The following PTK2 variants were observed in gnomAD, a reference collection of about 807,000 sequenced individuals.
PTK2 encodes protein tyrosine kinase 2, also known as focal adhesion kinase 1.
A neutral mutation model predicts 150.1 loss-of-function variants in PTK2; 45 were observed. That is an observed-to-expected ratio of 0.30 (90% CI 0.24 to 0.38). The LOEUF is 0.38. Ranked by LOEUF, PTK2 falls within the 10% of genes least tolerant of loss-of-function variation. The pLI is 1.00. For missense variants in PTK2, 919 were observed against 1,307.3 expected (o/e 0.70, Z 4.58); for synonymous variants, 432 against 449.2 (o/e 0.96, Z 0.48).
intron 17 of PTK2, among the ~76,000 whole-genome samples, chr8:140,748,501 A>ATC: frequency 1.4e-5 from 2 of 147,682 alleles, no homozygotes; most frequent in Non-Finnish European, 3.0e-5. Flanking sequence ...TGTCTCAAAA[A>ATC]AAAAAAAAAA....
intron 15 of PTK2, among the ~76,000 whole-genome samples, chr8:140,763,924 C>T (rs1367366528): frequency 6.6e-6 from 1 of 151,698 alleles, no homozygotes. Context: ...TATACTTAAC[C>T]AATAATACTA....
intron 17 of PTK2, 35 bp downstream of exon 20, chr8:140,752,197 C>T: frequency 6.5e-7 from 1 of 1,533,910 alleles, no homozygotes; most frequent in Non-Finnish European, 9.0e-7. Context: ...GATAGAAAGT[C>T]AAATGGAGTT....
chr8:140,846,817 T>TA (rs2100125809), intron 5 of PTK2, 139 bp from the exon 6 acceptor site: 8 of 601,596 alleles, frequency 1.3e-5, no homozygotes, highest in Non-Finnish European at 2.3e-5. Flanking sequence ...AAGATATAAA[T>TA]AAATGTTTCC....
At chr8:140,907,554 T>C (rs2100161457) in intron 2 of PTK2, among the ~76,000 whole-genome samples, 1 of 152,232 alleles carries the variant, frequency 6.6e-6, no homozygotes, top group East Asian at 1.9e-4. Context: ...CTGCCTTTTT[T>C]TTAAAACAAA....
Position 140,853,756 on chromosome 8 carries a change from C to A in PTK2, c.451-7078G>T, listed in dbSNP as rs1221095208. The stretch of plus-strand genomic sequence containing the variant: ...GGAGAAGAAATGTACACAATTAAAT[C>A]TTCAAACCACAGAAAATAAACCTTC... On this transcript the variant is annotated intron_variant, in intron 5 of 31. Coordinates refer to ENST00000522684, the Ensembl canonical transcript of PTK2. Among the ~76,000 whole-genome samples, 3 of 152,136 alleles carry A rather than the reference C, an allele frequency of 2.0e-5. No individual in the cohort carries two copies. The East Asian group carries it at 5.8e-4, about 29-fold the overall frequency.
intron 3 of PTK2, among the ~76,000 whole-genome samples, chr8:140,888,908 A>C (rs1054908363): frequency 6.6e-6 from 1 of 152,242 alleles, no homozygotes; most frequent in African/African-American, 2.4e-5. Flanking sequence ...CAAAGACTAG[A>C]ACATACACTA....
At chr8:140,810,322 T>C (rs2100100689) in intron 10 of PTK2, among the ~76,000 whole-genome samples, 2 of 152,192 alleles carry the variant, frequency 1.3e-5, no homozygotes, top group Non-Finnish European at 2.9e-5. Context: ...ACTTTAGCCC[T>C]AGGGGAACTG....
intron 8 of PTK2, among the ~76,000 whole-genome samples, chr8:140,830,130 C>T (rs922990797): frequency 1.3e-5 from 2 of 152,010 alleles, no homozygotes; most frequent in African/African-American, 4.8e-5. Flanking sequence ...GATTCCACCA[C>T]CACGATTATT....
intron 4 of PTK2, among the ~76,000 whole-genome samples, chr8:140,873,906 G>A (rs2100144031): frequency 6.6e-6 from 1 of 152,172 alleles, no homozygotes; most frequent in South Asian, 2.1e-4. Context: ...TAGTACAGTA[G>A]AATTTGCCAG....
chr8:140,714,750 T>C (rs1049952463), intron 23 of PTK2, among the ~76,000 whole-genome samples: 7 of 131,612 alleles, frequency 5.3e-5, no homozygotes, highest in African/African-American at 8.3e-5. Flanking sequence ...TGAGCCAAGA[T>C]TGCGCCACTG....
chr8:140,731,198 G>A (rs569048725), intron 22 of PTK2, among the ~76,000 whole-genome samples: 5 of 152,176 alleles, frequency 3.3e-5, no homozygotes, highest in African/African-American at 7.2e-5. Flanking sequence ...GACCTCAGGT[G>A]ATCCACCTGC....
At position 140,956,830 on chromosome 8, in the gene PTK2, T is replaced by A. The variant is rs55778432; in HGVS notation, c.-121-31081A>T. The stretch of plus-strand genomic sequence containing the variant: ...CTGTAATCCCAGCACTTTGGGAGGC[T>A]GTGGGTGGATCACCTGAGGTCAGAA... On this transcript the variant is annotated intron_variant, in intron 1 of 31. Transcript: ENST00000522684. Among the ~76,000 whole-genome samples the A allele has an allele frequency of 1.2e-3, 183 of 152,096 alleles. 1 individual carries two copies. In the South Asian group the frequency reaches 0.017, roughly 14 times the overall value.
At chr8:140,873,508 T>C (rs956566177) in intron 4 of PTK2, among the ~76,000 whole-genome samples, 8 of 152,280 alleles carry the variant, frequency 5.3e-5, no homozygotes, top group Middle Eastern at 3.4e-3. Context: ...CTCTGTCGCC[T>C]AGGCTGGAGT....
intron 2 of PTK2, among the ~76,000 whole-genome samples, chr8:140,896,790 G>T (rs1032315873): frequency 2.8e-5 from 3 of 106,588 alleles, no homozygotes; most frequent in Non-Finnish European, 4.5e-5. Context: ...CAAAAAAACG[G>T]GGGGGGGGGG....
intron 7 of PTK2, among the ~76,000 whole-genome samples, chr8:140,839,681 CA>C (rs1343876319): frequency 1.3e-5 from 2 of 151,768 alleles, no homozygotes; most frequent in Non-Finnish European, 2.9e-5. Flanking sequence ...ATATCTCCCC[CA>C]AAAAAGAGAG....
At chr8:140,738,461 T>C (rs111850520) in intron 21 of PTK2, among the ~76,000 whole-genome samples, 2,646 of 152,168 alleles carry the variant, frequency 0.017, 77 homozygotes, top group African/African-American at 0.059. Context: ...GCAATAACCA[T>C]AGAGCAGGAG....
At chr8:140,940,855 C>T (rs890043767) in intron 1 of PTK2, among the ~76,000 whole-genome samples, 22 of 151,674 alleles carry the variant, frequency 1.5e-4, no homozygotes, top group African/African-American at 4.6e-4. Flanking sequence ...TGAGTACCTG[C>T]GCTACTTGGG....
At chr8:140,854,713 C>T (rs1490483346) in intron 5 of PTK2, among the ~76,000 whole-genome samples, 1 of 152,086 alleles carries the variant, frequency 6.6e-6, no homozygotes, top group African/African-American at 2.4e-5. Flanking sequence ...TTGGTAGTTA[C>T]ATTTAGGCCA....
intron 7 of PTK2, among the ~76,000 whole-genome samples, chr8:140,831,744 C>G (rs2100115522): frequency 6.6e-6 from 1 of 152,218 alleles, no homozygotes; most frequent in South Asian, 2.1e-4. Flanking sequence ...ACTGGTTTTA[C>G]ATTTCTGTCT....
Sources: gnomAD v4.1 joint callset for allele counts (sites outside exome capture counted in the v4.1 genomes callset) on GRCh38, gnomAD v4.1.1 for gene constraint, MANE v1.5 for transcripts, NCBI Gene and HGNC (gene_info 2026-07-23, HGNC 2026-07-21) for gene names.